The following NIBAN2 variants were observed in gnomAD, a reference collection of about 807,000 sequenced individuals.
The protein encoded by NIBAN2 is niban apoptosis regulator 2.
Under a neutral mutation model 81.8 loss-of-function variants are expected in NIBAN2, and 36 were observed. The ratio of observed to expected loss-of-function variants is 0.44; its 90% CI spans 0.34 to 0.58. The LOEUF (loss-of-function observed/expected upper bound fraction) is 0.58. Ranked by LOEUF, NIBAN2 falls within the 20% of genes least tolerant of loss-of-function variation. NIBAN2 has a pLI of 0.02. For missense variants in NIBAN2, 897 were observed against 1,014.1 expected, an observed-to-expected ratio of 0.88 and a Z score of 1.57; for synonymous variants, 445 against 441.6, an observed-to-expected ratio of 1.01 and a Z score of -0.10.
chr9:127,512,931 G>C lies in NIBAN2; in HGVS notation c.974-2598C>G, dbSNP rs552486024. ...ATATCTGCACTCCCGTGTTTGTTGC[G>C]GCTCTGTTCACAACAACCAAGATTT... is the stretch of plus-strand genomic sequence containing the variant. On this transcript the variant is annotated intron_variant, in intron 8 of 13. Transcript: ENST00000373312. Among the ~76,000 whole-genome samples the C allele has an allele frequency of 7.2e-5, 11 of 152,222 alleles. No individual in the cohort carries two copies. In the East Asian group the frequency reaches 2.1e-3, roughly 29 times the overall value.
At chr9:127,571,502 T>TC (rs1837945653), upstream of NIBAN2, among the ~76,000 whole-genome samples, 1 of 152,056 alleles carries the variant, frequency 6.6e-6, no homozygotes, top group Admixed American at 6.6e-5. Flanking sequence ...CTGAGACCAG[T>TC]CTGGCCAACA....
At chr9:127,556,535 T>C (rs527619980) in intron 1 of NIBAN2, among the ~76,000 whole-genome samples, 3 of 152,252 alleles carry the variant, frequency 2.0e-5, no homozygotes, top group Non-Finnish European at 4.4e-5. Context: ...AAATGTTCAT[T>C]ACAGTTATTG....
intron 1 of NIBAN2, among the ~76,000 whole-genome samples, chr9:127,553,502 C>T (rs1017511871): frequency 2.6e-5 from 4 of 152,238 alleles, no homozygotes; most frequent in African/African-American, 9.6e-5. Context: ...TGGCATGAAG[C>T]TCACAACAAC....
chr9:127,558,893 G>A (rs532956923), intron 1 of NIBAN2, among the ~76,000 whole-genome samples: 4 of 151,840 alleles, frequency 2.6e-5, no homozygotes, highest in African/African-American at 7.3e-5. Context: ...CAGGAACTGC[G>A]CAGTGCACCT....
upstream of NIBAN2, among the ~76,000 whole-genome samples, chr9:127,573,555 C>A (rs1837973522): frequency 6.6e-6 from 1 of 151,692 alleles, no homozygotes; most frequent in South Asian, 2.1e-4. Flanking sequence ...TGCTGGAAAC[C>A]CCTGCCCTCA....
intron 1 of NIBAN2, among the ~76,000 whole-genome samples, chr9:127,560,218 A>G (rs1184230973): frequency 6.6e-6 from 1 of 152,046 alleles, no homozygotes; most frequent in Non-Finnish European, 1.5e-5. Context: ...AAAACAACCT[A>G]CAGAATCCAG....
chr9:127,540,831 C>T (rs928127168), intron 1 of NIBAN2, among the ~76,000 whole-genome samples: 7 of 152,248 alleles, frequency 4.6e-5, no homozygotes, highest in African/African-American at 1.4e-4. Flanking sequence ...CCGTTCCTGG[C>T]TCATCCGGTC....
chr9:127,549,105 T>C (rs1195947856), intron 1 of NIBAN2, among the ~76,000 whole-genome samples: 1 of 152,132 alleles, frequency 6.6e-6, no homozygotes, highest in Non-Finnish European at 1.5e-5. Flanking sequence ...GCCCAATAAA[T>C]GCCAGCTTCT....
intron 5 of NIBAN2, among the ~76,000 whole-genome samples, chr9:127,522,008 C>G (rs1249885350): frequency 6.6e-6 from 1 of 152,242 alleles, no homozygotes; most frequent in Non-Finnish European, 1.5e-5. Context: ...CGCAGGTCAC[C>G]CACCCTGCCA....
chr9:127,520,857 C>G (rs1240399080), intron 5 of NIBAN2, among the ~76,000 whole-genome samples: 1 of 151,990 alleles, frequency 6.6e-6, no homozygotes, highest in Non-Finnish European at 1.5e-5. Flanking sequence ...GCACTCCAGC[C>G]TGGGTGACAG....
At chr9:127,539,811 C>T (rs564983788) in intron 1 of NIBAN2, among the ~76,000 whole-genome samples, 2 of 152,230 alleles carry the variant, frequency 1.3e-5, no homozygotes, top group Non-Finnish European at 2.9e-5. Context: ...CCATCACCTG[C>T]AAACAGGGCA....
At position 127,513,075 on chromosome 9, in the gene NIBAN2, T is replaced by C. The variant is rs1588153116; in HGVS notation, c.974-2742A>G. 2.0e-5 allele frequency among the ~76,000 whole-genome samples: 3 copies of C among 152,170 alleles called. No homozygotes were observed. In the East Asian group the frequency reaches 5.8e-4, roughly 29 times the overall value. ...GTTTCAGTCATCTGCAACAACATGG[T>C]TGGAGCTGGAGGTCATTATATTCAG... On this transcript the variant is annotated intron_variant, in intron 8 of 13. Coordinates refer to ENST00000373312, the MANE Select transcript of NIBAN2 (RefSeq NM_022833.4).
chr9:127,575,988 C>T (rs564586097), intron 1 of NIBAN2, among the ~76,000 whole-genome samples: 1 of 152,302 alleles, frequency 6.6e-6, no homozygotes, highest in African/African-American at 2.4e-5. Flanking sequence ...GTGTCCTAAA[C>T]TCCTCCTTCA....
intron 8 of NIBAN2, among the ~76,000 whole-genome samples, chr9:127,512,264 G>A (rs895029263): frequency 1.5e-4 from 22 of 151,332 alleles, no homozygotes; most frequent in South Asian, 4.2e-4. Flanking sequence ...CCGCCTTTCC[G>A]GACTGAACCA....
chr9:127,550,146 C>T (rs1306497982), intron 1 of NIBAN2, among the ~76,000 whole-genome samples: 3 of 152,174 alleles, frequency 2.0e-5, no homozygotes, highest in Non-Finnish European at 4.4e-5. Context: ...CTGACTGCTG[C>T]TGAGTGACCC....
Position 127,508,282 on chromosome 9 carries a change from C to G in NIBAN2, c.1435-82G>C, listed in dbSNP as rs1308602278. 1.5e-5 allele frequency: 21 copies of G among 1,369,714 alleles called. No homozygotes were observed. The highest frequency in any genetic ancestry group is 2.2e-5 in the Non-Finnish European group (21 of 971,236). 84.8% of individuals were successfully genotyped at this position (1,369,714 alleles called of 1,614,324 possible). On this transcript the variant is annotated intron_variant, in intron 11 of 13. Coordinates refer to ENST00000373312, the MANE Select transcript of NIBAN2 (RefSeq NM_022833.4). The surrounding 1 kb of genome is among the most constrained non-coding windows in gnomAD (Gnocchi z 6.4). ...GGGTAGGACGAGGCCAGTGGTCTGA[C>G]CCAAGCCTCCGAGTCCTCATCCGCA...
rs759764034 is a variant in NIBAN2, at chr9:127,507,018, C to A, written c.2068G>T (p.Ala690Ser). 6.3e-7 allele frequency: 1 copy of A among 1,592,286 alleles called. No homozygotes were observed. Among genetic ancestry groups the A allele is most frequent in the Non-Finnish European group, 8.6e-7 (1 of 1,168,414 alleles). The stretch of plus-strand genomic sequence containing the variant: ...AGGGGTGAGGCAGGCGGCGAGGAGG[C>A]CTCGGGGGCGGCCTTAGGCTGGGGA... ...ESPQPKAAPE[A>S]SSPPASPLQH... The change falls in exon 14 of 14, where the codon GCC becomes TCC. Residue 690 changes from alanine to serine, a missense_variant. By Grantham distance (99) the Ala-to-Ser change is moderately conservative. Transcript: ENST00000373312. This position sits in a 1 kb window ranked among gnomAD's most constrained non-coding sequence, Gnocchi z 6.8.
At chr9:127,510,443 T>A in intron 8 of NIBAN2, 110 bp from the exon 9 acceptor site, 1 of 702,908 alleles carries the variant, frequency 1.4e-6, no homozygotes, top group Non-Finnish European at 2.1e-6. Context: ...TCATTATTAT[T>A]ATATTTTTTT....
At position 127,510,436 on chromosome 9, in the gene NIBAN2, T is replaced by C. The variant is rs562534074; in HGVS notation, c.974-103A>G. ...GGCTACTGTATTACTATTATTATCA[T>C]TATTATTATATTTTTTTTGAGACGG... is the stretch of plus-strand genomic sequence containing the variant. On this transcript the variant is annotated intron_variant, in intron 8 of 13. Coordinates refer to ENST00000373312, the MANE Select transcript of NIBAN2 (RefSeq NM_022833.4). 4.9e-5 allele frequency: 35 copies of C among 721,320 alleles called. No homozygotes were observed. In the African/African-American group the frequency reaches 6.0e-4, roughly 12 times the overall value. The allele number at this position is 721,320 out of a possible 1,614,324, so 44.7% of individuals were successfully genotyped here.
Sources: gnomAD v4.1 joint callset for allele counts (sites outside exome capture counted in the v4.1 genomes callset) on GRCh38, gnomAD v4.1.1 for gene constraint, Gnocchi (gnomAD v3.1) non-coding constraint, MANE v1.5 for transcripts, NCBI Gene and HGNC (gene_info 2026-07-23, HGNC 2026-07-21) for gene names.